Variants in UBE2L3 observed in about 807,000 individuals in gnomAD.
The protein encoded by UBE2L3 is ubiquitin conjugating enzyme E2 L3, also known as ubiquitin-conjugating enzyme E2 L3.
A neutral mutation model predicts 17.8 loss-of-function variants in UBE2L3; 1 was observed. That is an observed-to-expected ratio of 0.06 (90% CI 0.02 to 0.27). UBE2L3 has a LOEUF of 0.27. Ranked by LOEUF, UBE2L3 falls within the 10% of genes least tolerant of loss-of-function variation. The pLI is 1.00. For missense variants in UBE2L3, 40 were observed against 192.6 expected (o/e 0.21, Z 4.69); for synonymous variants, 44 against 68.5 (o/e 0.64, Z 1.76).
chr22:21,591,401 G>A (rs558774919), intron 1 of UBE2L3, among the ~76,000 whole-genome samples: 1 of 152,334 alleles, frequency 6.6e-6, no homozygotes, highest in South Asian at 2.1e-4. Flanking sequence ...AGGGTGACAG[G>A]CAGGAGCACC....
At position 21,595,959 on chromosome 22, in the gene UBE2L3, G is replaced by A. The variant is rs535020867; in HGVS notation, c.123+3003G>A. 2.6e-5 allele frequency among the ~76,000 whole-genome samples: 4 copies of A among 151,976 alleles called. No individual in the cohort carries two copies. The South Asian group carries it at 6.2e-4, about 24-fold the overall frequency. ...CGGCTCACTGCAACCTCCGCCTCCC[G>A]GGTTCAAGCGATTCTCCTGCCTCAG... On this transcript the variant is annotated intron_variant, in intron 2 of 3. Transcript: ENST00000342192.
chr22:21,556,687 C>G (rs1926242136), intron 1 of UBE2L3, among the ~76,000 whole-genome samples: 1 of 146,130 alleles, frequency 6.8e-6, no homozygotes, highest in Non-Finnish European at 1.5e-5. Flanking sequence ...GTCTTAAACT[C>G]CTGACCTCGA....
upstream of UBE2L3, among the ~76,000 whole-genome samples, chr22:21,567,165 CT>C (rs112640997): frequency 7.8e-3 from 1,150 of 147,736 alleles, 10 homozygotes; most frequent in African/African-American, 0.019. Context: ...GGTTATTCAA[CT>C]TTTTTTTTTT....
chr22:21,622,106 C>T lies in UBE2L3; in HGVS notation c.*437C>T, dbSNP rs1033905894. ...CTTCCCCAGACCCCGGGCTCGCCTC[C>T]ACAAAGGAGAAGAGACTGCCCTGGC... On this transcript the variant is annotated 3_prime_UTR_variant, in exon 4 of 4. Transcript: ENST00000342192. The T allele has an allele frequency of 5.7e-5, 10 of 176,330 alleles. No individual in the cohort carries two copies. Among genetic ancestry groups the T allele is most frequent in the Non-Finnish European group, 9.5e-5 (8 of 84,448 alleles). 10.9% of individuals were successfully genotyped at this position (176,330 alleles called of 1,614,324 possible). A position where few individuals can be genotyped will look rare whatever the true frequency, so the allele number is the denominator to read the frequency against.
At chr22:21,568,228 C>T (rs1926752530) in intron 1 of UBE2L3, 1 of 988,606 alleles carries the variant, frequency 1.0e-6, no homozygotes, top group Non-Finnish European at 1.2e-6. Context: ...CCGCTTGGCC[C>T]GGCCGCAGCT....
At chr22:21,590,505 A>C (rs756602024) in intron 1 of UBE2L3, among the ~76,000 whole-genome samples, 3 of 152,240 alleles carry the variant, frequency 2.0e-5, no homozygotes, top group Non-Finnish European at 4.4e-5. Flanking sequence ...GCCATCACCC[A>C]TACTTTATAC....
At chr22:21,563,644 T>A (rs1191200754), upstream of UBE2L3, among the ~76,000 whole-genome samples, 2 of 140,676 alleles carry the variant, frequency 1.4e-5, no homozygotes, top group Admixed American at 7.1e-5. Context: ...TGGTGTGATC[T>A]CGGCTCACTG....
upstream of UBE2L3, among the ~76,000 whole-genome samples, chr22:21,563,658 C>A (rs1389813241): frequency 6.9e-6 from 1 of 144,986 alleles, no homozygotes; most frequent in African/African-American, 2.5e-5. Flanking sequence ...CTCACTGCAA[C>A]CTCCCCCTCC....
chr22:21,616,753 T>C (rs933627862), intron 3 of UBE2L3, among the ~76,000 whole-genome samples: 1 of 147,380 alleles, frequency 6.8e-6, no homozygotes, highest in Non-Finnish European at 1.5e-5. Context: ...ACCCCCCCCC[T>C]TTTTTTAAAG....
intron 3 of UBE2L3, among the ~76,000 whole-genome samples, chr22:21,614,172 G>A (rs547477214): frequency 6.6e-6 from 1 of 152,186 alleles, no homozygotes; most frequent in Non-Finnish European, 1.5e-5. Flanking sequence ...TTCTTCATAT[G>A]TTGGGTGTCC....
At chr22:21,561,305 G>A (rs1328295569) in intron 1 of UBE2L3, among the ~76,000 whole-genome samples, 1 of 152,306 alleles carries the variant, frequency 6.6e-6, no homozygotes, top group African/African-American at 2.4e-5. Flanking sequence ...GCTAGGTGTG[G>A]TGGCTAACAC....
At chr22:21,601,434 T>A (rs1245107288) in intron 2 of UBE2L3, among the ~76,000 whole-genome samples, 1 of 151,584 alleles carries the variant, frequency 6.6e-6, no homozygotes, top group Non-Finnish European at 1.5e-5. Flanking sequence ...TGCCTCAGCC[T>A]CCTAAGTAGC....
At chr22:21,606,175 C>T (rs1259332028) in intron 2 of UBE2L3, among the ~76,000 whole-genome samples, 3 of 152,256 alleles carry the variant, frequency 2.0e-5, no homozygotes, top group African/African-American at 4.8e-5. Context: ...TCATGCTTCA[C>T]CCCAGCTCCT....
intron 3 of UBE2L3, among the ~76,000 whole-genome samples, chr22:21,614,285 T>G (rs190081201): frequency 6.6e-6 from 1 of 152,270 alleles, no homozygotes; most frequent in East Asian, 1.9e-4. Flanking sequence ...TTCTTAAATA[T>G]GGGAAGTGAA....
chr22:21,584,637 G>T (rs1402526673), intron 1 of UBE2L3, among the ~76,000 whole-genome samples: 1 of 150,864 alleles, frequency 6.6e-6, no homozygotes, highest in African/African-American at 2.4e-5. Flanking sequence ...TTACTGTGTG[G>T]CCCAGGCTGG....
Position 21,569,019 on chromosome 22 carries a change from G to A in UBE2L3, c.27+1248G>A, listed in dbSNP as rs11703235. Among the ~76,000 whole-genome samples the A allele has an allele frequency of 1.2e-3, 176 of 152,272 alleles. 1 individual carries two copies. The South Asian group carries it at 0.015, about 13-fold the overall frequency. Reference sequence around the variant, plus strand: ...GTGACACCACCATTCACCAGATAAGGGGTCGGTTAATGGCTTTCTTTCCTA... The same window carrying A: ...GTGACACCACCATTCACCAGATAAGAGGTCGGTTAATGGCTTTCTTTCCTA... On this transcript the variant is annotated intron_variant, in intron 1 of 3. Transcript: ENST00000342192.
At chr22:21,571,651 C>T (rs1489453607) in intron 1 of UBE2L3, among the ~76,000 whole-genome samples, 2 of 152,134 alleles carry the variant, frequency 1.3e-5, no homozygotes, top group Non-Finnish European at 2.9e-5. Flanking sequence ...ATCTGCCCGC[C>T]GAGGCCTCCC....
rs1487294949 is a variant in UBE2L3, at chr22:21,601,687, G to T, written c.123+8731G>T. ...AGCATAGAAACCAGCCTGGGGCAGG[G>T]CCAGGCACGGTGGCTCACTCACGCC... On this transcript the variant is annotated intron_variant, in intron 2 of 3. Transcript: ENST00000342192. Among the ~76,000 whole-genome samples, 3 of 149,596 alleles carry T rather than the reference G, an allele frequency of 2.0e-5. No individual in the cohort carries two copies. The East Asian group carries it at 6.1e-4, about 30-fold the overall frequency.
chr22:21,585,039 T>C (rs1477994616), intron 1 of UBE2L3, among the ~76,000 whole-genome samples: 1 of 152,256 alleles, frequency 6.6e-6, no homozygotes, highest in East Asian at 1.9e-4. Context: ...TTTTTAACGT[T>C]TGAAGACAGA....
Sources: gnomAD v4.1 joint callset for allele counts (sites outside exome capture counted in the v4.1 genomes callset) on GRCh38, gnomAD v4.1.1 for gene constraint, MANE v1.5 for transcripts, NCBI Gene and HGNC (gene_info 2026-07-23, HGNC 2026-07-21) for gene names.